Variants in DKKL1 observed in about 807,000 individuals in gnomAD.
DKKL1 encodes dickkopf like acrosomal protein 1.
In DKKL1, 11 loss-of-function variants were observed where a neutral mutation model predicts 16.5. The observed-to-expected ratio is 0.67, with a 90% CI of 0.42 to 1.10. The LOEUF (loss-of-function observed/expected upper bound fraction) is 1.10. DKKL1 is among the 50% of genes least tolerant of loss of function. The pLI, the probability that DKKL1 is intolerant of heterozygous loss-of-function variation, is 0.00. For missense variants in DKKL1, 320 were observed against 308.1 expected (o/e 1.04, Z -0.29); for synonymous variants, 119 against 133.2 (o/e 0.89, Z 0.73).
intron 4 of DKKL1, among the ~76,000 whole-genome samples, chr19:49,371,887 G>T (rs867717567): frequency 3.7e-4 from 56 of 151,630 alleles, no homozygotes; most frequent in African/African-American, 1.3e-3. Flanking sequence ...TTCTACTCTT[G>T]TGTTGGTTTG....
intron 4 of DKKL1, among the ~76,000 whole-genome samples, chr19:49,366,996 C>G (rs921596580): frequency 6.6e-6 from 1 of 151,648 alleles, no homozygotes; most frequent in Non-Finnish European, 1.5e-5. Flanking sequence ...ACATGAGCCA[C>G]CACACCTGGC....
intron 4 of DKKL1, among the ~76,000 whole-genome samples, chr19:49,367,548 A>C (rs1421880733): frequency 1.3e-5 from 2 of 151,940 alleles, no homozygotes; most frequent in Non-Finnish European, 2.9e-5. Flanking sequence ...CTGGGATTAC[A>C]GGTGACTGCC....
rs547746363 is a variant in DKKL1 at position 49,370,976 on chromosome 19, G to A, written c.418-3741G>A. ...GTGAAAGGCATCAAGAAAAATGGTG[G>A]CTCTGAGGACAGCTTTTCTAAAACC... On this transcript the variant is annotated intron_variant, in intron 4 of 4. Transcript: ENST00000221498. 4 of 152,312 alleles carry A rather than the reference G, an allele frequency of 2.6e-5. No homozygotes were observed. In the East Asian group the frequency reaches 7.7e-4, roughly 29 times the overall value. 9.4% of individuals were successfully genotyped at this position (152,312 alleles called of 1,614,324 possible).
Position 49,363,883 on chromosome 19 carries a change from G to T in DKKL1, c.-116G>T. ...GCAACCAACGCTCTAGACCAGACCT[G>T]GGCTCGAGACCATAACTGTTTGGCT... On this transcript the variant is annotated 5_prime_UTR_variant, in exon 1 of 5. Coordinates refer to ENST00000221498, the MANE Select transcript of DKKL1 (RefSeq NM_014419.4). 1 of 1,439,744 alleles carries T rather than the reference G, an allele frequency of 6.9e-7. No homozygotes were observed. The allele number at this position is 1,439,744 out of a possible 1,614,324, so 89.2% of individuals were successfully genotyped here.
rs747732578 is a variant in DKKL1, at chr19:49,365,508, G to A, written c.184-1G>A. On this transcript the variant is annotated splice_acceptor_variant, in intron 2 of 4. Transcript: ENST00000221498. LOFTEE classifies it high-confidence loss of function. ...CTCACCAGTCCCTCCTCCGGCCCCA[G>A]GGTAACCTGCTTCGGGGCATAGACA... 3 of 1,599,644 alleles carry A rather than the reference G, an allele frequency of 1.9e-6. No homozygotes were observed. The Admixed American group carries it at 5.1e-5, about 27-fold the overall frequency.
intron 3 of DKKL1, 21 bp from the exon 4 acceptor site, chr19:49,365,770 ACT>A (rs1169466944): frequency 6.2e-7 from 1 of 1,611,404 alleles, no homozygotes; most frequent in African/African-American, 1.3e-5. Context: ...GTTTGCTCTC[ACT>A]CTCTCATCGG....
intron 4 of DKKL1, among the ~76,000 whole-genome samples, chr19:49,368,398 A>C (rs918553975): frequency 2.0e-5 from 3 of 150,992 alleles, no homozygotes; most frequent in Non-Finnish European, 4.4e-5. Flanking sequence ...AGGTGGGAGG[A>C]TTGTTTGAGA....
At position 49,375,075 on chromosome 19, in the gene DKKL1, C is replaced by T; in HGVS notation, c.*47C>T. 1 of 1,522,828 alleles carries T rather than the reference C, an allele frequency of 6.6e-7. No homozygotes were observed. The highest frequency in any genetic ancestry group is 1.3e-5 in the South Asian group (1 of 78,458). The allele number at this position is 1,522,828 out of a possible 1,614,324, so 94.3% of individuals were successfully genotyped here. A position where few individuals can be genotyped will look rare whatever the true frequency, so the allele number is the denominator to read the frequency against. On this transcript the variant is annotated 3_prime_UTR_variant, in exon 5 of 5. Transcript: ENST00000221498. ...TGCCTGTAGCCCCCATCAGACCCTG[C>T]CCCAAGCACCATATGGAAATAAAGT...
At chr19:49,369,279 A>G (rs1736515650) in intron 4 of DKKL1, 1 of 151,968 alleles carries the variant, frequency 6.6e-6, no homozygotes. Context: ...CAGCCTCCCA[A>G]AGAGCAGGGA....
chr19:49,374,864 T>A lies in DKKL1; in HGVS notation c.565T>A (p.Trp189Arg). ...SHQDALEGGH[W>R]LSEKRHRLQA... ...CCAGGATGCCCTGGAGGGCGGCCAC[T>A]GGCTCAGCGAGAAGCGACACCGCCT... Residue 189 changes from tryptophan (W) to arginine (R), a missense_variant, in exon 5 of 5, where the codon TGG becomes AGG. By Grantham distance (101) the Trp-to-Arg change is moderately radical. Transcript: ENST00000221498. 6.2e-7 allele frequency: 1 copy of A among 1,613,982 alleles called. No homozygotes were observed. Among genetic ancestry groups the A allele is most frequent in the Non-Finnish European group, 8.5e-7 (1 of 1,179,956 alleles).
upstream of DKKL1, among the ~76,000 whole-genome samples, chr19:49,360,672 G>A (rs1032385114): frequency 6.6e-6 from 1 of 150,984 alleles, no homozygotes; most frequent in Non-Finnish European, 1.5e-5. Context: ...GGTAAGATGT[G>A]AGCAGCAGCT....
At position 49,365,555 on chromosome 19, in the gene DKKL1, A is replaced by G; in HGVS notation, c.230A>G (p.Asp77Gly). 2 of 1,613,582 alleles carry G rather than the reference A, an allele frequency of 1.2e-6. No homozygotes were observed. Among genetic ancestry groups the G allele is most frequent in the Non-Finnish European group, 1.7e-6 (2 of 1,179,772 alleles). Residue 77 changes from aspartate to glycine, a missense_variant, in exon 3 of 5, where the codon GAC (aspartate) becomes GGC (glycine). Coordinates refer to ENST00000221498, the MANE Select transcript of DKKL1 (RefSeq NM_014419.4). ...GACAGCTTATTCTCTGCCCCCATGGACTTCCGGGGCCTCCCTGGGAACTAC... is the reference window on the plus strand; with the variant it reads ...GACAGCTTATTCTCTGCCCCCATGGGCTTCCGGGGCCTCCCTGGGAACTAC... The part of the protein sequence containing the change: ...GIDSLFSAPM[D>G]FRGLPGNYHK...
At chr19:49,364,350 A>AC (rs1331287570) in intron 1 of DKKL1, among the ~76,000 whole-genome samples, 1 of 150,488 alleles carries the variant, frequency 6.6e-6, no homozygotes, top group Non-Finnish European at 1.5e-5. Context: ...TCGGTCTCAA[A>AC]AAAAAAAAAA....
intron 3 of DKKL1, 31 bp downstream of exon 3, chr19:49,365,680 C>T (rs759727217): frequency 1.4e-5 from 22 of 1,601,098 alleles, no homozygotes; most frequent in Non-Finnish European, 1.8e-5. Context: ...TTCCTGAAGT[C>T]CCCTTGGGAT....
rs774912440 is a variant in DKKL1 at position 49,364,567 on chromosome 19, C to A, written c.11-15C>A. The A allele has an allele frequency of 6.2e-7, 1 of 1,603,532 alleles. No homozygotes were observed. Among genetic ancestry groups the A allele is most frequent in the Non-Finnish European group, 8.5e-7 (1 of 1,175,438 alleles). Reference sequence around the variant, plus strand: ...TGGCCACTGTGCGGGGCTCTGACCCCGACCCTTGCCACAGCCTCCCCACCT... The same window carrying A: ...TGGCCACTGTGCGGGGCTCTGACCCAGACCCTTGCCACAGCCTCCCCACCT... On this transcript the variant is annotated splice_polypyrimidine_tract_variant and intron_variant, in intron 1 of 4. Transcript: ENST00000221498.
chr19:49,367,065 T>C (rs1338299272), intron 4 of DKKL1, among the ~76,000 whole-genome samples: 1 of 151,750 alleles, frequency 6.6e-6, no homozygotes, highest in East Asian at 1.9e-4. Context: ...TTCGCTCTGT[T>C]GCCCAGGCTA....
intron 4 of DKKL1, among the ~76,000 whole-genome samples, chr19:49,366,817 C>A (rs970239725): frequency 6.6e-6 from 1 of 151,396 alleles, no homozygotes; most frequent in African/African-American, 2.4e-5. Flanking sequence ...AAATGATCCT[C>A]CCACCTCAGC....
At position 49,364,544 on chromosome 19, in the gene DKKL1, G is replaced by T. The variant is rs768938333; in HGVS notation, c.11-38G>T. The T allele has an allele frequency of 9.6e-6, 15 of 1,567,560 alleles. 1 individual carries two copies. In the South Asian group the frequency reaches 1.8e-4, roughly 19 times the overall value. On this transcript the variant is annotated intron_variant, in intron 1 of 4. Coordinates refer to ENST00000221498, the MANE Select transcript of DKKL1 (RefSeq NM_014419.4). ...GAGGGGCGTCTTGGGTGGGGGCGTG[G>T]CCACTGTGCGGGGCTCTGACCCCGA...
chr19:49,371,606 T>G (rs1184946618), intron 4 of DKKL1, among the ~76,000 whole-genome samples: 1 of 151,318 alleles, frequency 6.6e-6, no homozygotes, highest in African/African-American at 2.5e-5. Flanking sequence ...TAAGTTATAT[T>G]AAGACATAGT....
Sources: gnomAD v4.1 joint callset for allele counts (sites outside exome capture counted in the v4.1 genomes callset) on GRCh38, gnomAD v4.1.1 for gene constraint, MANE v1.5 for transcripts, NCBI Gene and HGNC (gene_info 2026-07-23, HGNC 2026-07-21) for gene names.